Variants in CNOT4 observed in about 807,000 individuals in gnomAD.
CNOT4 encodes the protein CCR4-associated factor 4.
CNOT4 carries 8 observed loss-of-function variants against 73.8 expected under a neutral mutation model. That is an observed-to-expected ratio of 0.11 (90% confidence interval 0.06 to 0.20). The LOEUF (loss-of-function observed/expected upper bound fraction) is 0.20, where lower values mean the gene tolerates loss of function less well. CNOT4 is among the 10% of genes least tolerant of loss of function. The pLI is 1.00. For missense variants in CNOT4, 564 were observed against 883.4 expected (o/e 0.64, Z 4.58); for synonymous variants, 293 against 321.1 (o/e 0.91, Z 0.94).
intron 1 of CNOT4, among the ~76,000 whole-genome samples, chr7:135,475,482 T>A (rs114845098): frequency 2.0e-5 from 3 of 152,110 alleles, no homozygotes; most frequent in Non-Finnish European, 4.4e-5. Context: ...AAACTGAATT[T>A]GGTAGAAGTA....
intron 2 of CNOT4, 59 bp downstream of exon 2, chr7:135,438,099 G>T (rs1468642978): frequency 3.3e-6 from 3 of 899,302 alleles, no homozygotes; most frequent in African/African-American, 1.7e-5. Flanking sequence ...TCATATACAT[G>T]GCAGCAAAAA....
At chr7:135,373,954 T>C (rs1795368851) in intron 10 of CNOT4, among the ~76,000 whole-genome samples, 1 of 152,178 alleles carries the variant, frequency 6.6e-6, no homozygotes, top group Non-Finnish European at 1.5e-5. Context: ...ATATGATGGG[T>C]TTATCAACCA....
At chr7:135,431,245 C>T (rs114298200) in intron 2 of CNOT4, among the ~76,000 whole-genome samples, 2,245 of 152,032 alleles carry the variant, frequency 0.015, 57 homozygotes, top group African/African-American at 0.051. Flanking sequence ...ATAGCCTGGG[C>T]GAAAGAGCAA....
intron 1 of CNOT4, among the ~76,000 whole-genome samples, chr7:135,461,892 A>G (rs1319219305): frequency 1.3e-5 from 2 of 152,182 alleles, no homozygotes; most frequent in Non-Finnish European, 2.9e-5. Flanking sequence ...AAATAATATT[A>G]AAAATTAACT....
At chr7:135,419,645 T>C (rs997618793) in intron 3 of CNOT4, among the ~76,000 whole-genome samples, 13 of 152,166 alleles carry the variant, frequency 8.5e-5, no homozygotes, top group African/African-American at 3.1e-4. Flanking sequence ...CTTAGACTCA[T>C]GATAAAGTAC....
intron 1 of CNOT4, among the ~76,000 whole-genome samples, chr7:135,486,804 T>C (rs1396840808): frequency 6.6e-6 from 1 of 152,210 alleles, no homozygotes; most frequent in African/African-American, 2.4e-5. Context: ...CCTGAGGCTG[T>C]GTCACAGGAC....
chr7:135,479,094 T>G (rs1234488831), intron 1 of CNOT4, among the ~76,000 whole-genome samples: 1 of 152,008 alleles, frequency 6.6e-6, no homozygotes, highest in East Asian at 1.9e-4. Context: ...AATTGCTAGA[T>G]GAAGCATGGT....
chr7:135,448,117 A>T (rs1416468337), intron 1 of CNOT4, among the ~76,000 whole-genome samples: 1 of 152,238 alleles, frequency 6.6e-6, no homozygotes, highest in African/African-American at 2.4e-5. Context: ...GGGCAACAGA[A>T]GTCACTAAAC....
At position 135,395,716 on chromosome 7, in the gene CNOT4, A is replaced by T. The variant is rs576393274; in HGVS notation, c.1047T>A (p.Ser349Arg). 6.2e-7 allele frequency: 1 copy of T among 1,614,064 alleles called. No individual in the cohort carries two copies. The highest frequency in any genetic ancestry group is 8.5e-7 in the Non-Finnish European group (1 of 1,179,962). The part of the protein sequence containing the change: ...DNFRHPNPIP[S>R]GLPPFPSSPQ... ...GGGAGCTGGGGAAAGGAGGAAGCCC[A>T]CTTGGGATAGGGTTGGGATGGCGAA... Residue 349 changes from serine to arginine, a missense_variant, in exon 9 of 12, where the codon AGT becomes AGA. Ser to Arg is a moderately radical substitution (Grantham distance 110). Coordinates refer to ENST00000541284, the MANE Select transcript of CNOT4 (RefSeq NM_001190850.2).
chr7:135,434,036 C>CT (rs1799008701), intron 2 of CNOT4, among the ~76,000 whole-genome samples: 1 of 152,196 alleles, frequency 6.6e-6, no homozygotes, highest in Admixed American at 6.5e-5. Flanking sequence ...ATATTGTAGA[C>CT]TGAGAACAGG....
chr7:135,443,592 C>A (rs979789430), intron 1 of CNOT4, among the ~76,000 whole-genome samples: 1 of 152,022 alleles, frequency 6.6e-6, no homozygotes, highest in Non-Finnish European at 1.5e-5. Context: ...AAGAATAAAA[C>A]GACATTACTT....
intron 10 of CNOT4, among the ~76,000 whole-genome samples, chr7:135,380,720 G>A (rs534344619): frequency 6.6e-6 from 1 of 152,188 alleles, no homozygotes; most frequent in Non-Finnish European, 1.5e-5. Context: ...AAGCATGAAA[G>A]CACATTTACA....
At chr7:135,509,841 G>A (rs954988081) in intron 1 of CNOT4, 48 bp downstream of exon 1, 4 of 390,970 alleles carry the variant, frequency 1.0e-5, no homozygotes, top group African/African-American at 4.1e-5. Flanking sequence ...CTCTCTCGTA[G>A]CCGGTCAGCC....
At chr7:135,442,692 A>T (rs944880932) in intron 1 of CNOT4, among the ~76,000 whole-genome samples, 1 of 152,218 alleles carries the variant, frequency 6.6e-6, no homozygotes, top group Non-Finnish European at 1.5e-5. Flanking sequence ...TTAAATGAAA[A>T]GGGCAAGAAA....
intron 10 of CNOT4, among the ~76,000 whole-genome samples, chr7:135,372,390 T>C (rs1795255678): frequency 6.6e-6 from 1 of 152,196 alleles, no homozygotes; most frequent in African/African-American, 2.4e-5. Context: ...CCACAGTGTA[T>C]TGCAATCATT....
chr7:135,394,920 A>G (rs1241089646), intron 9 of CNOT4, among the ~76,000 whole-genome samples: 1 of 152,164 alleles, frequency 6.6e-6, no homozygotes, highest in Admixed American at 6.5e-5. Flanking sequence ...TGTTACTTTT[A>G]TGCCACCTTT....
chr7:135,491,536 T>C (rs567381558), intron 1 of CNOT4, among the ~76,000 whole-genome samples: 1 of 152,312 alleles, frequency 6.6e-6, no homozygotes, highest in East Asian at 1.9e-4. Context: ...CTACTAGATT[T>C]AATAATGTCA....
At chr7:135,385,738 A>G (rs1192972360) in intron 10 of CNOT4, among the ~76,000 whole-genome samples, 1 of 152,220 alleles carries the variant, frequency 6.6e-6, no homozygotes, top group Non-Finnish European at 1.5e-5. Context: ...AGAGATGATA[A>G]ATAATAAAAT....
chr7:135,363,227 G>A lies in CNOT4; in HGVS notation c.1841-41C>T. 1.9e-6 allele frequency: 3 copies of A among 1,586,936 alleles called. No homozygotes were observed. Among genetic ancestry groups the A allele is most frequent in the Non-Finnish European group, 2.6e-6 (3 of 1,159,542 alleles). On this transcript the variant is annotated intron_variant, in intron 11 of 11. Coordinates refer to ENST00000541284, the MANE Select transcript of CNOT4 (RefSeq NM_001190850.2). This position sits in a 1 kb window ranked among gnomAD's most constrained non-coding sequence, Gnocchi z 4.3. Reference sequence around the variant, plus strand: ...AAAAAAGAGGGAAAATGGTGAGTTTGTGTGGAAAGAATAAGGTCGTCAAAC... The same window carrying A: ...AAAAAAGAGGGAAAATGGTGAGTTTATGTGGAAAGAATAAGGTCGTCAAAC...
Sources: allele counts gnomAD v4.1 joint callset (sites outside exome capture counted in the v4.1 genomes callset), GRCh38; gene constraint gnomAD v4.1.1; non-coding constraint Gnocchi (gnomAD v3.1); transcripts MANE v1.5; gene names NCBI Gene and HGNC (gene_info 2026-07-23, HGNC 2026-07-21).